ANKRD26: variants seen among roughly 807,000 people sequenced by gnomAD.
ANKRD26 encodes the protein ankyrin repeat domain 26, also known as ankyrin repeat domain-containing protein 26.
Under a neutral mutation model 208.7 loss-of-function variants are expected in ANKRD26, and 141 were observed. The ratio of observed to expected loss-of-function variants is 0.68; its 90% CI spans 0.59 to 0.78. The LOEUF (loss-of-function observed/expected upper bound fraction) is 0.78, where lower values mean the gene tolerates loss of function less well. Among genes scored for constraint, ANKRD26 ranks in the 30% least tolerant of loss-of-function variants. The pLI is 0.00. For synonymous variants in ANKRD26, 636 were observed against 660.4 expected (o/e 0.96, Z 0.57); for missense variants, 1,889 against 1,938.7 (o/e 0.97, Z 0.48).
At chr10:26,974,876 G>A (rs2052201947) in exon 6 of ANKRD26, among the ~76,000 whole-genome samples, 2 of 152,104 alleles carry the variant, frequency 1.3e-5, no homozygotes, top group Admixed American at 1.3e-4. Flanking sequence ...AGTGCTATCA[G>A]TTCATCGTTA....
intron 33 of ANKRD26, among the ~76,000 whole-genome samples, chr10:27,006,611 T>C (rs1202653781): frequency 1.3e-5 from 2 of 152,206 alleles, no homozygotes; most frequent in South Asian, 4.1e-4. Flanking sequence ...AATTTCTGCA[T>C]GCTGGCTACA....
chr10:26,954,881 G>A, the ANKRD26 span, among the ~76,000 whole-genome samples: 1 of 150,790 alleles, frequency 6.6e-6, no homozygotes, highest in Non-Finnish European at 1.5e-5. Context: ...CTCTGCAGAG[G>A]CAATTTCTAA....
chr10:26,993,573 A>G (rs74396506), intron 5 of ANKRD26, among the ~76,000 whole-genome samples: 1 of 152,310 alleles, frequency 6.6e-6, no homozygotes, highest in African/African-American at 2.4e-5. Flanking sequence ...CAACTTCTCT[A>G]TTAGTTGCAG....
At chr10:27,052,911 G>A (rs1288998025) in intron 16 of ANKRD26, among the ~76,000 whole-genome samples, 2 of 152,042 alleles carry the variant, frequency 1.3e-5, no homozygotes, top group African/African-American at 2.4e-5. Flanking sequence ...CTGAACCACT[G>A]GGAATGATTA....
rs2053941953 is a variant in ANKRD26, at chr10:27,033,381, A to AT, written c.3655-5dup. The AT allele has an allele frequency of 6.2e-7, 1 of 1,607,964 alleles. No homozygotes were observed. Among genetic ancestry groups the AT allele is most frequent in the Non-Finnish European group, 8.5e-7 (1 of 1,176,428 alleles). On this transcript the variant is annotated splice_polypyrimidine_tract_variant and splice_region_variant and intron_variant, in intron 24 of 33. Transcript: ENST00000376087. The stretch of plus-strand genomic sequence containing the variant: ...GTTGAAGTTGTCTCACAACAACCTG[A>AT]TAAGACATTTTGTTACTGATTTTAT...
downstream of ANKRD26, among the ~76,000 whole-genome samples, chr10:26,988,286 T>C (rs989841894): frequency 2.6e-5 from 4 of 152,190 alleles, no homozygotes; most frequent in Admixed American, 6.5e-5. Context: ...CTCAGTTCTT[T>C]GATGGAGATA....
At chr10:27,099,993 G>T in intron 1 of ANKRD26, 92 bp downstream of exon 1, 1 of 1,594,754 alleles carries the variant, frequency 6.3e-7, no homozygotes. Flanking sequence ...GCGGGAGGCT[G>T]ATCCAGGCCC....
chr10:27,059,509 C>T (rs554367897), intron 15 of ANKRD26, among the ~76,000 whole-genome samples: 5 of 152,116 alleles, frequency 3.3e-5, no homozygotes, highest in Non-Finnish European at 7.4e-5. Flanking sequence ...GCGAATTCAG[C>T]GTGTTGGTTA....
intron 25 of ANKRD26, chr10:27,030,603 A>T: frequency 1.0e-6 from 1 of 985,342 alleles, no homozygotes; most frequent in Non-Finnish European, 1.2e-6. Flanking sequence ...AGCTCTGGCT[A>T]CGTAATAAAG....
chr10:27,069,147 G>A (rs1160567315), intron 9 of ANKRD26, among the ~76,000 whole-genome samples: 1 of 141,032 alleles, frequency 7.1e-6, no homozygotes, highest in Admixed American at 7.4e-5. Flanking sequence ...GTGAACAGAG[G>A]TGACGCCATT....
At chr10:27,024,003 C>CACACACACACACAT (rs1223818537) in intron 28 of ANKRD26, among the ~76,000 whole-genome samples, 1 of 151,794 alleles carries the variant, frequency 6.6e-6, no homozygotes, top group Non-Finnish European at 1.5e-5. Flanking sequence ...CACACACACA[C>CACACACACACACAT]ACACAAAGAG....
chr10:27,027,969 A>G (rs937945967), intron 27 of ANKRD26, among the ~76,000 whole-genome samples: 2 of 152,208 alleles, frequency 1.3e-5, no homozygotes, highest in Non-Finnish European at 2.9e-5. Flanking sequence ...ACTTATTATA[A>G]GATAGACTTT....
Position 27,077,484 on chromosome 10 carries a change from C to G in ANKRD26, c.931G>C (p.Asp311His). ...ACAACTTCATCTTGACTATCGGAAT[C>G]TCTATCCTCAAACAAAGTTCTATTT... ...TGNRTLFEDR[D>H]SDSQDEVVVE... The change falls in exon 9 of 34, where the codon GAT (aspartate) becomes CAT (histidine). Residue 311 changes from aspartate to histidine, a missense_variant. Physicochemically the swap from Asp to His is moderately conservative, Grantham distance 81 (BLOSUM62 -1). Around this residue, in one of 3 missense-constraint regions of ANKRD26, gnomAD observed 1,272 missense variants for 1,273.8 expected, o/e 1.00. Transcript: ENST00000376087. 1 of 1,614,108 alleles carries G rather than the reference C, an allele frequency of 6.2e-7. No homozygotes were observed. The highest frequency in any genetic ancestry group is 8.5e-7 in the Non-Finnish European group (1 of 1,179,994).
chr10:26,984,013 T>C (rs1361711839), intron 3 of ANKRD26, among the ~76,000 whole-genome samples: 1 of 152,190 alleles, frequency 6.6e-6, no homozygotes, highest in Non-Finnish European at 1.5e-5. Flanking sequence ...CCTGAGCCAC[T>C]GTAGAAACAG....
In ANKRD26 at chr10:27,022,600, A is replaced by G; in HGVS notation, c.4173T>C (p.Ser1391=). ...EFSFHGDLKT[S]QFEMDIQINK... is the part of the protein sequence containing the mutation. ...TAATCTGAATATCCATTTCAAATTG[A>G]CTAGTTTTTAAATCTCCATGGAAAC... The change falls in exon 29 of 34, where the codon AGT becomes AGC. Residue 1391 remains serine, a synonymous_variant. Transcript: ENST00000376087. The G allele has an allele frequency of 6.4e-7, 1 of 1,551,312 alleles. No homozygotes were observed. Among genetic ancestry groups the G allele is most frequent in the Non-Finnish European group, 8.9e-7 (1 of 1,128,392 alleles).
chr10:26,951,994 CTGTT>C, the ANKRD26 span, among the ~76,000 whole-genome samples: 11,416 of 152,174 alleles, frequency 0.075, 700 homozygotes, highest in East Asian at 0.31. Context: ...TTCTTTATCT[CTGTT>C]TATCTCTTTT....
At chr10:27,013,642 T>G (rs1423405761) in intron 31 of ANKRD26, among the ~76,000 whole-genome samples, 1 of 152,202 alleles carries the variant, frequency 6.6e-6, no homozygotes, top group Non-Finnish European at 1.5e-5. Context: ...GTTTAGAGAT[T>G]AAAAAATTCC....
At chr10:27,078,181 T>C (rs979132852) in intron 7 of ANKRD26, among the ~76,000 whole-genome samples, 2 of 152,188 alleles carry the variant, frequency 1.3e-5, no homozygotes, top group Non-Finnish European at 2.9e-5. Context: ...TAGTATAGGC[T>C]GCTTCTATTC....
At chr10:26,951,013 C>CTTTTGTT in the ANKRD26 span, among the ~76,000 whole-genome samples, 1 of 100,974 alleles carries the variant, frequency 9.9e-6, no homozygotes, top group African/African-American at 5.7e-5. Flanking sequence ...CTTTTCTTTT[C>CTTTTGTT]TTTTTCTTTT....
Sources: gnomAD v4.1 joint callset for allele counts (sites outside exome capture counted in the v4.1 genomes callset) on GRCh38, gnomAD v4.1.1 for gene constraint, gnomAD v4.1.1 regional missense constraint, MANE v1.5 for transcripts, NCBI Gene and HGNC (gene_info 2026-07-23, HGNC 2026-07-21) for gene names.